DCHS2: variants seen among roughly 807,000 people sequenced by gnomAD.
DCHS2 encodes protocadherin-23.
In DCHS2, 142 loss-of-function variants were observed where a neutral mutation model predicts 182.4. The observed-to-expected ratio is 0.78, with a 90% CI of 0.68 to 0.89. The LOEUF (loss-of-function observed/expected upper bound fraction) is 0.89. Among genes scored for constraint, DCHS2 ranks in the 40% least tolerant of loss-of-function variants. DCHS2 has a pLI of 0.00. For synonymous variants in DCHS2, 1,740 were observed against 1,663.3 expected, an observed-to-expected ratio of 1.05 and a Z score of -1.12; for missense variants, 4,319 against 4,198.6, an observed-to-expected ratio of 1.03 and a Z score of -0.79.
intron 15 of DCHS2, among the ~76,000 whole-genome samples, chr4:154,258,367 CTTTTTTTTTTTT>C (rs771510956): frequency 1.7e-4 from 10 of 58,838 alleles, no homozygotes; most frequent in East Asian, 1.3e-3. Flanking sequence ...AAAAGAAAGG[CTTTTTTTTTTTT>C]TTTTTTTTTT....
At chr4:154,463,692 TTC>T (rs5863102) in intron 1 of DCHS2, among the ~76,000 whole-genome samples, 66,950 of 145,000 alleles carry the variant, frequency 0.46, 15,727 homozygotes, top group Non-Finnish European at 0.57. Context: ...ATTCTCTCTT[TTC>T]TCTCTCTCTC....
chr4:154,476,919 A>G (rs1332929508), intron 1 of DCHS2, among the ~76,000 whole-genome samples: 4 of 152,008 alleles, frequency 2.6e-5, no homozygotes, highest in African/African-American at 9.7e-5. Context: ...TAGGTGGTCA[A>G]GGAAGGCTTC....
intron 3 of DCHS2, among the ~76,000 whole-genome samples, chr4:154,359,836 A>T (rs1182641272): frequency 6.6e-6 from 1 of 152,092 alleles, no homozygotes; most frequent in African/African-American, 2.4e-5. Context: ...TACTTACTCA[A>T]TTGGAAAGAG....
intron 1 of DCHS2, among the ~76,000 whole-genome samples, chr4:154,485,979 A>G (rs951626838): frequency 6.6e-6 from 1 of 152,186 alleles, no homozygotes; most frequent in African/African-American, 2.4e-5. Flanking sequence ...CTGGAGGAAA[A>G]TCTCTGGGTG....
chr4:154,399,786 C>G (rs1037149848), intron 1 of DCHS2, among the ~76,000 whole-genome samples: 1 of 152,208 alleles, frequency 6.6e-6, no homozygotes, highest in African/African-American at 2.4e-5. Context: ...CCGGAACATT[C>G]TGCTGAGGTT....
At chr4:154,251,993 A>ACATTCATATTTAGTAT (rs772967314) in intron 16 of DCHS2, among the ~76,000 whole-genome samples, 290 of 152,326 alleles carry the variant, frequency 1.9e-3, no homozygotes, top group Middle Eastern at 3.4e-3. Flanking sequence ...GTGGCTTAAT[A>ACATTCATATTTAGTAT]TGAAAACTAA....
chr4:154,302,063 T>C (rs186857914), intron 12 of DCHS2, among the ~76,000 whole-genome samples: 1 of 152,290 alleles, frequency 6.6e-6, no homozygotes, highest in East Asian at 1.9e-4. Flanking sequence ...CATATTTTAA[T>C]TGTAGAAAAG....
chr4:154,382,019 A>G (rs2110820906), intron 1 of DCHS2, among the ~76,000 whole-genome samples: 1 of 152,324 alleles, frequency 6.6e-6, no homozygotes, highest in Non-Finnish European at 1.5e-5. Flanking sequence ...GCATCACATT[A>G]TCCAACTTCA....
intron 12 of DCHS2, among the ~76,000 whole-genome samples, chr4:154,302,957 ACACACACACACC>A (rs61055189): frequency 0.091 from 7,225 of 79,058 alleles, 587 homozygotes; most frequent in African/African-American, 0.33. Context: ...ACACACACAC[ACACACACACACC>A]CACACACACA....
chr4:154,363,363 A>C (rs1415740702), intron 3 of DCHS2, among the ~76,000 whole-genome samples: 2 of 152,238 alleles, frequency 1.3e-5, no homozygotes, highest in Admixed American at 6.5e-5. Flanking sequence ...ATATATACAC[A>C]ATAGAGTACT....
intron 1 of DCHS2, among the ~76,000 whole-genome samples, chr4:154,420,485 A>C (rs1429584050): frequency 1.3e-5 from 2 of 152,172 alleles, no homozygotes; most frequent in Non-Finnish European, 2.9e-5. Flanking sequence ...ACAATGATGT[A>C]ACTCTCAGTC....
intron 1 of DCHS2, among the ~76,000 whole-genome samples, chr4:154,466,528 A>C (rs1001126653): frequency 1.1e-4 from 16 of 152,172 alleles, no homozygotes; most frequent in Admixed American, 1.0e-3. Flanking sequence ...CGCTTGCTGA[A>C]AATGCAACCC....
At position 154,358,716 on chromosome 4, in the gene DCHS2, A is replaced by G. The variant is rs569305123; in HGVS notation, c.2476+7494T>C. Among the ~76,000 whole-genome samples the G allele has an allele frequency of 1.8e-3, 278 of 152,188 alleles. 1 individual carries two copies. Among genetic ancestry groups the G allele is most frequent in the African/African-American group, 6.4e-3 (264 of 41,550 alleles). On this transcript the variant is annotated intron_variant, in intron 3 of 19. Coordinates refer to ENST00000357232, the MANE Select transcript of DCHS2 (RefSeq NM_001358235.2). ...CAAACATTCACTTTTTTAAACATTTATATATAAACAGGAGCTAGAAAACCT... is the reference window on the plus strand; with the variant it reads ...CAAACATTCACTTTTTTAAACATTTGTATATAAACAGGAGCTAGAAAACCT...
intron 10 of DCHS2, among the ~76,000 whole-genome samples, chr4:154,309,034 G>T (rs894374200): frequency 6.6e-6 from 1 of 152,142 alleles, no homozygotes; most frequent in African/African-American, 2.4e-5. Flanking sequence ...TGTGGGCTCT[G>T]CATATCTTTC....
At position 154,262,766 on chromosome 4, in the gene DCHS2, T is replaced by C. The variant is rs552189881; in HGVS notation, c.6578-3010A>G. ...ATGTTATTCAGTAGCTTTCAAACCGTCTCCTACTTAAACAATGTCTTTGAA... is the reference window on the plus strand; with the variant it reads ...ATGTTATTCAGTAGCTTTCAAACCGCCTCCTACTTAAACAATGTCTTTGAA... On this transcript the variant is annotated intron_variant, in intron 14 of 19. Transcript: ENST00000357232. Among the ~76,000 whole-genome samples, 3 of 152,318 alleles carry C rather than the reference T, an allele frequency of 2.0e-5. No homozygotes were observed. The South Asian group carries it at 6.2e-4, about 32-fold the overall frequency.
chr4:154,334,807 CA>C, intron 4 of DCHS2, 60 bp downstream of exon 4: 5 of 1,403,004 alleles, frequency 3.6e-6, no homozygotes, highest in East Asian at 2.3e-5. Context: ...GTACCGCCTA[CA>C]AAAAAACAAG....
At chr4:154,242,918 TA>T in intron 16 of DCHS2, 146 bp from the exon 17 acceptor site, 1 of 1,274,392 alleles carries the variant, frequency 7.8e-7, no homozygotes, top group Non-Finnish European at 1.0e-6. Context: ...TGGCATCATT[TA>T]AAATGTATTT....
At chr4:154,378,151 C>T (rs981069362) in intron 1 of DCHS2, among the ~76,000 whole-genome samples, 16 of 152,032 alleles carry the variant, frequency 1.1e-4, no homozygotes, top group African/African-American at 3.6e-4. Context: ...GAAAAGGCAC[C>T]GTCTTATTTT....
Position 154,490,027 on chromosome 4 carries a change from G to T in DCHS2, c.1329C>A (p.Asp443Glu). The change falls in exon 1 of 20, where the codon GAC becomes GAA. Residue 443 changes from aspartate (D) to glutamate (E), a missense_variant. Coordinates refer to ENST00000357232, the MANE Select transcript of DCHS2 (RefSeq NM_001358235.2). ...GDYVARVSVS[D>E]ADGDWEKEDE... ...CTTCCTTCTCCCAGTCACCGTCCGC[G>T]TCAGACACCGAGACGCGAGCCACGT... 1.3e-6 allele frequency: 2 copies of T among 1,547,798 alleles called. No individual in the cohort carries two copies. Among genetic ancestry groups the T allele is most frequent in the Non-Finnish European group, 8.7e-7 (1 of 1,146,930 alleles).
Sources: allele counts gnomAD v4.1 joint callset (sites outside exome capture counted in the v4.1 genomes callset), GRCh38; gene constraint gnomAD v4.1.1; transcripts MANE v1.5; gene names NCBI Gene and HGNC (gene_info 2026-07-23, HGNC 2026-07-21).